Variants in LRRTM3 observed in about 807,000 individuals in gnomAD.
LRRTM3 encodes leucine rich repeat transmembrane neuronal 3, also known as leucine-rich repeat transmembrane neuronal protein 3.
In LRRTM3, 24 loss-of-function variants were observed where a neutral mutation model predicts 44.7. The ratio of observed to expected loss-of-function variants is 0.54; its 90% CI spans 0.39 to 0.76. LRRTM3 has a LOEUF of 0.76. Among genes scored for constraint, LRRTM3 ranks in the 30% least tolerant of loss-of-function variants. The pLI, the probability that LRRTM3 is intolerant of heterozygous loss-of-function variation, is 0.00. For synonymous variants in LRRTM3, 277 were observed against 278.7 expected (o/e 0.99, Z 0.06); for missense variants, 587 against 702.2 (o/e 0.84, Z 1.85).
rs760076742 is a variant in LRRTM3 at position 66,927,731 on chromosome 10, G to A, written c.815G>A (p.Ser272Asn). The A allele has an allele frequency of 6.2e-7, 1 of 1,614,170 alleles. No homozygotes were observed. The highest frequency in any genetic ancestry group is 8.5e-7 in the Non-Finnish European group (1 of 1,180,024). ...GNEIEAFSGP[S>N]VFQCVPNLQR... ...GAGATCGAAGCTTTCAGTGGACCCA[G>A]TGTTTTCCAGTGTGTCCCGAATCTG... The change falls in exon 2 of 3, where the codon AGT becomes AAT. Residue 272 changes from serine (S) to asparagine (N), a missense_variant. Coordinates refer to ENST00000361320, the MANE Select transcript of LRRTM3 (RefSeq NM_178011.5). This position sits in a 1 kb window ranked among gnomAD's most constrained non-coding sequence, Gnocchi z 4.7.
At chr10:67,097,488 C>T (rs1858073877) in intron 2 of LRRTM3, 99 bp from the exon 3 acceptor site, 1 of 1,013,332 alleles carries the variant, frequency 9.9e-7, no homozygotes, top group South Asian at 1.4e-5. Context: ...ACAGATATAA[C>T]CATGGAGGTT....
At chr10:66,931,828 G>A (rs946893670) in intron 2 of LRRTM3, among the ~76,000 whole-genome samples, 1 of 152,134 alleles carries the variant, frequency 6.6e-6, no homozygotes. Flanking sequence ...AACGCAATAA[G>A]AATAGATAAG....
At chr10:67,087,530 A>G (rs1017494397) in intron 2 of LRRTM3, among the ~76,000 whole-genome samples, 10 of 151,858 alleles carry the variant, frequency 6.6e-5, no homozygotes, top group African/African-American at 2.4e-4. Context: ...ATATATTAAA[A>G]TAAGTTTAAA....
At chr10:66,946,321 T>C (rs559670760) in intron 2 of LRRTM3, among the ~76,000 whole-genome samples, 3 of 152,272 alleles carry the variant, frequency 2.0e-5, no homozygotes, top group Admixed American at 1.3e-4. Context: ...TGAGAAAGGA[T>C]AGCAGCAGCA....
intron 2 of LRRTM3, among the ~76,000 whole-genome samples, chr10:67,071,076 G>A (rs920274132): frequency 7.2e-5 from 11 of 152,026 alleles, no homozygotes; most frequent in Admixed American, 2.0e-4. Flanking sequence ...TCTTACTTTT[G>A]CAATGGTATT....
intron 2 of LRRTM3, among the ~76,000 whole-genome samples, chr10:66,939,625 G>T (rs1362024875): frequency 1.3e-5 from 2 of 152,096 alleles, no homozygotes; most frequent in Non-Finnish European, 2.9e-5. Context: ...ATTACAATTT[G>T]TAAGGTAGGG....
At chr10:66,939,395 A>G (rs761808099) in intron 2 of LRRTM3, among the ~76,000 whole-genome samples, 3 of 152,184 alleles carry the variant, frequency 2.0e-5, no homozygotes, top group Admixed American at 2.0e-4. Flanking sequence ...ATATGCCTTC[A>G]AACTGAGTTA....
At chr10:66,929,698 T>C (rs568730694) in intron 2 of LRRTM3, among the ~76,000 whole-genome samples, 2 of 152,354 alleles carry the variant, frequency 1.3e-5, no homozygotes, top group East Asian at 1.9e-4. Flanking sequence ...TCATCTGTAT[T>C]GTGAACTCAT....
chr10:67,059,547 T>C (rs1035696142), intron 2 of LRRTM3, among the ~76,000 whole-genome samples: 1 of 152,186 alleles, frequency 6.6e-6, no homozygotes, highest in Non-Finnish European at 1.5e-5. Context: ...CGTCAAAGTA[T>C]ATTTGGTGCC....
chr10:67,014,807 T>A (rs1447435974), intron 2 of LRRTM3, among the ~76,000 whole-genome samples: 2 of 152,072 alleles, frequency 1.3e-5, no homozygotes, highest in Non-Finnish European at 2.9e-5. Flanking sequence ...CAAGTAAACA[T>A]CATTCCAAAC....
chr10:67,012,213 A>C (rs78745318), intron 2 of LRRTM3: 1,563 of 152,342 alleles, frequency 0.01, 7 homozygotes, highest in Non-Finnish European at 0.017. Flanking sequence ...AGTATGAAGA[A>C]TGTCACAAGG....
intron 2 of LRRTM3, among the ~76,000 whole-genome samples, chr10:67,078,585 C>T (rs932701387): frequency 4.6e-5 from 7 of 152,058 alleles, no homozygotes; most frequent in South Asian, 2.1e-4. Context: ...GGTGCAATCT[C>T]GGCTCACTGC....
rs546310077 is a variant in LRRTM3 at position 66,937,561 on chromosome 10, G to T, written c.1536+9109G>T. Among the ~76,000 whole-genome samples, 143 of 152,150 alleles carry T rather than the reference G, an allele frequency of 9.4e-4. 2 individuals carry two copies. In the Middle Eastern group the frequency reaches 0.02, roughly 22 times the overall value. Reference sequence around the variant, plus strand: ...ACTCCTGGTGGACTTTCCGGAAATAGAATCTAAATTTCCATAAGCTCAAGG... The same window carrying T: ...ACTCCTGGTGGACTTTCCGGAAATATAATCTAAATTTCCATAAGCTCAAGG... On this transcript the variant is annotated intron_variant, in intron 2 of 2. Transcript: ENST00000361320.
At chr10:66,977,902 A>G (rs1247306473) in intron 2 of LRRTM3, among the ~76,000 whole-genome samples, 2 of 152,194 alleles carry the variant, frequency 1.3e-5, no homozygotes, top group African/African-American at 4.8e-5. Flanking sequence ...TATAAATGTA[A>G]GTATCCTTGT....
chr10:67,088,492 G>A (rs1249159858), intron 2 of LRRTM3, among the ~76,000 whole-genome samples: 4 of 151,784 alleles, frequency 2.6e-5, no homozygotes, highest in Middle Eastern at 3.4e-3. Flanking sequence ...AAAGATAAAC[G>A]GTGCCTGCAT....
intron 2 of LRRTM3, among the ~76,000 whole-genome samples, chr10:67,074,741 CTG>C (rs1245669479): frequency 6.7e-6 from 1 of 148,926 alleles, no homozygotes. Flanking sequence ...TGTGTAGATT[CTG>C]TCTTATGCCA....
intron 2 of LRRTM3, among the ~76,000 whole-genome samples, chr10:67,032,669 A>C (rs770305580): frequency 4.6e-5 from 7 of 152,210 alleles, no homozygotes; most frequent in Non-Finnish European, 1.0e-4. Flanking sequence ...ACATTATTCA[A>C]ATTGAATCTG....
chr10:67,062,825 C>T (rs1855839362), intron 2 of LRRTM3, among the ~76,000 whole-genome samples: 1 of 152,144 alleles, frequency 6.6e-6, no homozygotes, highest in Non-Finnish European at 1.5e-5. Context: ...AATTAATTTT[C>T]CTCCAACAAC....
chr10:67,011,006 A>T (rs1164653093), intron 2 of LRRTM3, among the ~76,000 whole-genome samples: 1 of 152,148 alleles, frequency 6.6e-6, no homozygotes, highest in Admixed American at 6.5e-5. Flanking sequence ...ATCTCATATT[A>T]TTAAACTGAA....
Sources: gnomAD v4.1 joint callset for allele counts (sites outside exome capture counted in the v4.1 genomes callset) on GRCh38, gnomAD v4.1.1 for gene constraint, Gnocchi (gnomAD v3.1) non-coding constraint, MANE v1.5 for transcripts, NCBI Gene and HGNC (gene_info 2026-07-23, HGNC 2026-07-21) for gene names.